WNK4: variants seen among roughly 807,000 people sequenced by gnomAD.
WNK4 encodes the protein WNK lysine deficient protein kinase 4.
In WNK4, 94 loss-of-function variants were observed where a neutral mutation model predicts 116.2. The ratio of observed to expected loss-of-function variants is 0.81; its 90% CI spans 0.68 to 0.96. The LOEUF is 0.96. WNK4 is among the 40% of genes least tolerant of loss of function. The probability of loss-of-function intolerance (pLI) is 0.00; values close to 1 mark genes in which losing one functional copy is unlikely to be tolerated. For synonymous variants in WNK4, 655 were observed against 672.7 expected, an observed-to-expected ratio of 0.97 and a Z score of 0.41; for missense variants, 1,542 against 1,650.6, an observed-to-expected ratio of 0.93 and a Z score of 1.14.
In WNK4 at chr17:42,785,481, T is replaced by G; in HGVS notation, c.1475T>G (p.Met492Arg). 6.4e-7 allele frequency: 1 copy of G among 1,551,724 alleles called. No individual in the cohort carries two copies. Among genetic ancestry groups the G allele is most frequent in the Non-Finnish European group, 8.7e-7 (1 of 1,147,100 alleles). Residue 492 changes from methionine (M) to arginine (R), a missense_variant and splice_region_variant, in exon 6 of 19, where the codon ATG becomes AGG. Around this residue, in one of 7 missense-constraint regions of WNK4, gnomAD observed 808 missense variants for 873.6 expected, o/e 0.92. Transcript: ENST00000246914. ...GCGGCCGAGGAGGTGGCACAGGAGA[T>G]GGTGAGCGGAGGACAGACTGTGCTG... ...RDAAEEVAQE[M>R]VALGLVCEAD...
chr17:42,794,729 T>C (rs1197611889), intron 13 of WNK4, 43 bp from the exon 14 acceptor site: 17 of 1,613,820 alleles, frequency 1.1e-5, no homozygotes, highest in South Asian at 4.4e-5. Flanking sequence ...GGGAAGGGCA[T>C]AGGGCATGTG....
rs759883056 is a variant in WNK4, at chr17:42,784,102, CG to C, written c.961del (p.Asp321ThrfsTer80). ...ITGPTGSVKI[G>X]DLGLATLKRA... Reference sequence around the variant, plus strand: ...CGGGACCTACTGGCTCTGTCAAAATCGGGGACCTGGGCCTGGCCACGCTCAA... The same window carrying C: ...CGGGACCTACTGGCTCTGTCAAAATCGGGACCTGGGCCTGGCCACGCTCAA... On this transcript the variant is annotated frameshift_variant, in exon 3 of 19. Coordinates refer to ENST00000246914, the MANE Select transcript of WNK4 (RefSeq NM_032387.5). LOFTEE classifies it high-confidence loss of function. The surrounding 1 kb of genome is among the most constrained non-coding windows in gnomAD (Gnocchi z 4.4). 6.2e-7 allele frequency: 1 copy of C among 1,611,640 alleles called. No individual in the cohort carries two copies. Among genetic ancestry groups the C allele is most frequent in the Non-Finnish European group, 8.5e-7 (1 of 1,180,026 alleles).
Position 42,785,339 on chromosome 17 carries a change from G to C in WNK4, c.1333G>C (p.Glu445Gln). The change falls in exon 6 of 19, where the codon GAG becomes CAG. Residue 445 changes from glutamate to glutamine, a missense_variant. This residue lies in a region of WNK4 where 808 missense variants were observed against 873.6 expected (regional missense o/e 0.92). Transcript: ENST00000246914. ...CGGTGTGCACGTGGAACTAGCGGAG[G>C]AGGACGACGGCGAGAAGCCGGGCCT... Reference protein sequence around the residue: ...ERGVHVELAEEDDGEKPGLKL... With the variant: ...ERGVHVELAEQDDGEKPGLKL... 6.2e-7 allele frequency: 1 copy of C among 1,611,704 alleles called. No individual in the cohort carries two copies. Among genetic ancestry groups the C allele is most frequent in the African/African-American group, 1.3e-5 (1 of 75,034 alleles).
rs2054478445 is a variant in WNK4, at chr17:42,781,118, A to G, written c.420A>G (p.Leu140=). 6.2e-7 allele frequency: 1 copy of G among 1,613,952 alleles called. No homozygotes were observed. The highest frequency in any genetic ancestry group is 1.1e-5 in the South Asian group (1 of 91,078). The part of the protein sequence containing the change: ...SAVGPGSREP[L]RVPEAVALER... ...TGGGCCCGGGGTCCAGGGAGCCGCT[A>G]AGGGTCCCTGAAGCTGTGGCCCTAG... Residue 140 remains leucine (L), a synonymous_variant, in exon 1 of 19, where the codon CTA becomes CTG. Coordinates refer to ENST00000246914, the MANE Select transcript of WNK4 (RefSeq NM_032387.5).
chr17:42,785,347 C>T lies in WNK4; in HGVS notation c.1341C>T (p.Asp447=), dbSNP rs775815906. The change falls in exon 6 of 19, where the codon GAC becomes GAT. Residue 447 remains aspartate (D), a synonymous_variant. Transcript: ENST00000246914. ...ACGTGGAACTAGCGGAGGAGGACGA[C>T]GGCGAGAAGCCGGGCCTCAAGCTCT... ...GVHVELAEED[D]GEKPGLKLWL... is the part of the protein sequence containing the mutation. 7 of 1,610,550 alleles carry T rather than the reference C, an allele frequency of 4.3e-6. No homozygotes were observed. Among genetic ancestry groups the T allele is most frequent in the Admixed American group, 1.7e-5 (1 of 59,514 alleles).
In WNK4 at chr17:42,787,689, C is replaced by G. The variant is rs2054565410; in HGVS notation, c.1742-89C>G. The G allele has an allele frequency of 5.6e-6, 9 of 1,598,782 alleles. No homozygotes were observed. In the East Asian group the frequency reaches 2.0e-4, roughly 36 times the overall value. On this transcript the variant is annotated intron_variant, in intron 7 of 18. Transcript: ENST00000246914. ...TCCAGGAAGGAACTCTCCCACAGCTCCAGGCCCCTCCTTGCTTAGGCAGGC... is the reference window on the plus strand; with the variant it reads ...TCCAGGAAGGAACTCTCCCACAGCTGCAGGCCCCTCCTTGCTTAGGCAGGC...
At position 42,795,668 on chromosome 17, in the gene WNK4, C is replaced by T; in HGVS notation, c.3066C>T (p.Ser1022=). ...TTGGGCGTTTCCAAGTGACTTCATC[C>T]AAGGAACCGGCTGAGCCTCTTCCCT... ...QLVGRFQVTS[S]KEPAEPLPLQ... is the part of the protein sequence containing the mutation. The change falls in exon 16 of 19, where the codon TCC becomes TCT. Residue 1022 remains serine, a synonymous_variant. Transcript: ENST00000246914. The T allele has an allele frequency of 6.2e-7, 1 of 1,613,334 alleles. No homozygotes were observed. The highest frequency in any genetic ancestry group is 8.5e-7 in the Non-Finnish European group (1 of 1,180,044).
intron 11 of WNK4, among the ~76,000 whole-genome samples, chr17:42,789,363 G>C (rs2054585463): frequency 6.6e-6 from 1 of 152,050 alleles, no homozygotes; most frequent in Non-Finnish European, 1.5e-5. Flanking sequence ...ACAATGTTAA[G>C]AGTTAGGCAG....
chr17:42,785,869 C>T (rs953236904), intron 6 of WNK4, among the ~76,000 whole-genome samples: 1 of 152,144 alleles, frequency 6.6e-6, no homozygotes, highest in Non-Finnish European at 1.5e-5. Context: ...TTAAATGCTT[C>T]TTTCCACTTC....
intron 16 of WNK4, 34 bp from the exon 17 acceptor site, chr17:42,796,089 G>A (rs754542330): frequency 5.0e-6 from 8 of 1,614,048 alleles, no homozygotes; most frequent in Non-Finnish European, 3.4e-6. Flanking sequence ...CAAGGTGTGT[G>A]GCTAGCCCTT....
At chr17:42,786,267 T>G (rs1337188732) in intron 6 of WNK4, among the ~76,000 whole-genome samples, 1 of 152,152 alleles carries the variant, frequency 6.6e-6, no homozygotes, top group Non-Finnish European at 1.5e-5. Flanking sequence ...CCTCCTTTAC[T>G]CATTCAGCAA....
intron 12 of WNK4, 156 bp from the exon 13 acceptor site, chr17:42,794,458 C>T: frequency 1.3e-6 from 1 of 784,622 alleles, no homozygotes; most frequent in Non-Finnish European, 2.1e-6. Context: ...GCCCTTTTAC[C>T]TCTATACATT....
chr17:42,795,965 C>T lies in WNK4; in HGVS notation c.3363C>T (p.Ser1121=). The change falls in exon 16 of 19, where the codon AGC becomes AGT. Residue 1121 remains serine, a synonymous_variant. Transcript: ENST00000246914. Reference sequence around the variant, plus strand: ...ACTCCTACAGCAGCCTGTGTTTGAGCAGCGAGGAGTCAGAAAGCAGTGGGG... The same window carrying T: ...ACTCCTACAGCAGCCTGTGTTTGAGTAGCGAGGAGTCAGAAAGCAGTGGGG... ...MNYSYSSLCL[S]SEESESSGED... 4.3e-6 allele frequency: 7 copies of T among 1,613,522 alleles called. No homozygotes were observed. The highest frequency in any genetic ancestry group is 5.9e-6 in the Non-Finnish European group (7 of 1,179,958).
Position 42,788,145 on chromosome 17 carries a change from A to G in WNK4, c.1879A>G (p.Ile627Val), listed in dbSNP as rs775328332. 1.9e-6 allele frequency: 3 copies of G among 1,613,986 alleles called. No individual in the cohort carries two copies. The highest frequency in any genetic ancestry group is 2.2e-5 in the East Asian group (1 of 44,856). ...CCTGTTTCAGGCTTTTGCCCTATCC[A>G]TTCCACGTTCTGGCCCTGGAAGTGA... ...LCLPSAFALS[I>V]PRSGPGSDFS... Residue 627 changes from isoleucine to valine, a missense_variant, in exon 9 of 19, where the codon ATT (isoleucine) becomes GTT (valine). By Grantham distance (29) the Ile-to-Val change is conservative. This residue lies in a region of WNK4 where 808 missense variants were observed against 873.6 expected (regional missense o/e 0.92). Transcript: ENST00000246914.
At chr17:42,789,937 T>A (rs924927329) in intron 11 of WNK4, among the ~76,000 whole-genome samples, 1 of 150,556 alleles carries the variant, frequency 6.6e-6, no homozygotes, top group Non-Finnish European at 1.5e-5. Context: ...GCCTGGGAGG[T>A]CAAGGCTGCA....
At chr17:42,792,290 AGCTCCAAAGACTTACTCTGTGAAACT>A (rs1221970272) in intron 11 of WNK4, among the ~76,000 whole-genome samples, 1 of 149,610 alleles carries the variant, frequency 6.7e-6, no homozygotes, top group Non-Finnish European at 1.5e-5. Flanking sequence ...GTCAATGTTC[AGCTCCAAAGACTTACTCTGTGAAACT>A]GCTCCAGCTT....
rs748082300 is a variant in WNK4 at position 42,780,685 on chromosome 17, C to T, written c.-14C>T. 3.1e-6 allele frequency: 5 copies of T among 1,605,622 alleles called. No individual in the cohort carries two copies. Among genetic ancestry groups the T allele is most frequent in the Non-Finnish European group, 8.5e-7 (1 of 1,179,408 alleles). Reference sequence around the variant, plus strand: ...CCGTCTGATTTTCTACCCTTCGGCGCCCTGCTCTTCCTCATGTTGGCATCC... The same window carrying T: ...CCGTCTGATTTTCTACCCTTCGGCGTCCTGCTCTTCCTCATGTTGGCATCC... On this transcript the variant is annotated 5_prime_UTR_variant, in exon 1 of 19. Transcript: ENST00000246914.
intron 6 of WNK4, 141 bp from the exon 7 acceptor site, chr17:42,787,137 C>A: frequency 1.6e-6 from 2 of 1,215,372 alleles, no homozygotes; most frequent in Non-Finnish European, 2.3e-6. Flanking sequence ...ATGTAAGGAG[C>A]TGCCAGTTAA....
intron 12 of WNK4, 170 bp from the exon 13 acceptor site, chr17:42,794,444 T>C (rs2054639452): frequency 1.4e-6 from 1 of 704,612 alleles, no homozygotes. Flanking sequence ...GTTGCAGACA[T>C]CATGCCCTTT....
Sources: gnomAD v4.1 joint callset for allele counts (sites outside exome capture counted in the v4.1 genomes callset) on GRCh38, gnomAD v4.1.1 for gene constraint, gnomAD v4.1.1 regional missense constraint, Gnocchi (gnomAD v3.1) non-coding constraint, MANE v1.5 for transcripts, NCBI Gene and HGNC (gene_info 2026-07-23, HGNC 2026-07-21) for gene names.